The following FOXK2 variants were observed in gnomAD, a reference collection of about 807,000 sequenced individuals.
FOXK2 encodes the protein forkhead box K2, also known as forkhead box protein K2.
A neutral mutation model predicts 53.3 loss-of-function variants in FOXK2; 24 were observed. That is an observed-to-expected ratio of 0.45 (90% CI 0.33 to 0.63). The LOEUF (loss-of-function observed/expected upper bound fraction) is 0.63. Ranked by LOEUF, FOXK2 falls within the 30% of genes least tolerant of loss-of-function variation. FOXK2 has a pLI of 0.03. For missense variants in FOXK2, 952 were observed against 910.5 expected, an observed-to-expected ratio of 1.05 and a Z score of -0.59; for synonymous variants, 505 against 407.1, an observed-to-expected ratio of 1.24 and a Z score of -2.89.
chr17:82,568,295 A>G (rs1335722966), intron 3 of FOXK2, 94 bp downstream of exon 3: 13 of 1,462,066 alleles, frequency 8.9e-6, no homozygotes, highest in Non-Finnish European at 1.2e-5. Context: ...CTGCCTGTCC[A>G]GTGACAGCCC....
At chr17:82,554,904 C>G (rs915780494) in intron 1 of FOXK2, among the ~76,000 whole-genome samples, 2 of 152,106 alleles carry the variant, frequency 1.3e-5, no homozygotes, top group Non-Finnish European at 2.9e-5. Context: ...GGCCACCATG[C>G]CCGACTAATT....
At chr17:82,569,951 G>A (rs879716411) in intron 3 of FOXK2, among the ~76,000 whole-genome samples, 3 of 150,700 alleles carry the variant, frequency 2.0e-5, no homozygotes, top group Non-Finnish European at 4.4e-5. Context: ...GCTGGGCGCA[G>A]TGGCTCACGC....
chr17:82,565,368 A>T (rs1358428857), intron 2 of FOXK2, among the ~76,000 whole-genome samples: 1 of 152,220 alleles, frequency 6.6e-6, no homozygotes, highest in East Asian at 1.9e-4. Flanking sequence ...CAACATCAGT[A>T]GTGAAAAGGT....
intron 1 of FOXK2, among the ~76,000 whole-genome samples, chr17:82,524,091 G>T (rs1375977884): frequency 1.3e-5 from 2 of 151,960 alleles, no homozygotes; most frequent in South Asian, 4.1e-4. Context: ...GTTTCACCAT[G>T]TTGGCCAGGC....
intron 1 of FOXK2, among the ~76,000 whole-genome samples, chr17:82,534,735 C>T (rs920914316): frequency 6.6e-6 from 1 of 152,230 alleles, no homozygotes; most frequent in Non-Finnish European, 1.5e-5. Flanking sequence ...TCTCCTCTTA[C>T]AGATGGTAAC....
intron 1 of FOXK2, among the ~76,000 whole-genome samples, chr17:82,524,363 A>G (rs1042851505): frequency 2.0e-5 from 3 of 152,222 alleles, no homozygotes; most frequent in African/African-American, 7.2e-5. Context: ...ATTAAAAATT[A>G]TCAGAAAATT....
intron 1 of FOXK2, among the ~76,000 whole-genome samples, chr17:82,529,027 C>T (rs1042749677): frequency 1.3e-5 from 2 of 152,144 alleles, no homozygotes; most frequent in Non-Finnish European, 2.9e-5. Flanking sequence ...ACTGAAAAAT[C>T]TTACAACGCA....
intron 1 of FOXK2, among the ~76,000 whole-genome samples, chr17:82,520,631 A>C (rs139566957): frequency 6.6e-6 from 1 of 152,212 alleles, no homozygotes; most frequent in Non-Finnish European, 1.5e-5. Context: ...TGCTGTTTCT[A>C]TTCTGCAGCG....
intron 1 of FOXK2, among the ~76,000 whole-genome samples, chr17:82,554,426 C>T (rs1000028723): frequency 6.6e-6 from 1 of 152,146 alleles, no homozygotes; most frequent in African/African-American, 2.4e-5. Context: ...GTAATAATTT[C>T]CATTCCCACA....
At chr17:82,596,090 G>T in intron 8 of FOXK2, 1 of 1,097,458 alleles carries the variant, frequency 9.1e-7, no homozygotes, top group Non-Finnish European at 1.1e-6. Flanking sequence ...AGACACATTA[G>T]AGTCGGTTGA....
intron 1 of FOXK2, among the ~76,000 whole-genome samples, chr17:82,539,977 AAT>A: frequency 6.6e-6 from 1 of 150,446 alleles, no homozygotes; most frequent in Non-Finnish European, 1.5e-5. Flanking sequence ...AAAAAAAAAA[AAT>A]ATCGATAATT....
intron 1 of FOXK2, among the ~76,000 whole-genome samples, chr17:82,552,424 A>C (rs185433743): frequency 1.1e-3 from 174 of 152,098 alleles, no homozygotes; most frequent in African/African-American, 4.1e-3. Flanking sequence ...ACTGTGTCCT[A>C]ATGGCCGACC....
At position 82,586,029 on chromosome 17, in the gene FOXK2, CA is replaced by C; in HGVS notation, c.1406del (p.Gln469ArgfsTer58). The C allele has an allele frequency of 6.2e-7, 1 of 1,612,826 alleles. No individual in the cohort carries two copies. Among genetic ancestry groups the C allele is most frequent in the Non-Finnish European group, 8.5e-7 (1 of 1,179,996 alleles). Reference sequence around the variant, plus strand: ...CTCGACCTCCCAGCCACCCGTCGTGCAGACGGTTCACGTCGTCCACCAGATC... The same window carrying C: ...CTCGACCTCCCAGCCACCCGTCGTGCGACGGTTCACGTCGTCCACCAGATC... The part of the protein sequence containing the change: ...TTSTSQPPVV[Q>X]TVHVVHQIPA... On this transcript the variant is annotated frameshift_variant, in exon 7 of 9. Coordinates refer to ENST00000335255, the MANE Select transcript of FOXK2 (RefSeq NM_004514.4). LOFTEE classifies it high-confidence loss of function.
At chr17:82,592,897 C>G (rs2045266664) in intron 8 of FOXK2, among the ~76,000 whole-genome samples, 1 of 150,754 alleles carries the variant, frequency 6.6e-6, no homozygotes, top group African/African-American at 2.4e-5. Context: ...CTCCCTGTGC[C>G]GGGCACAGGC....
chr17:82,536,362 A>G (rs2044520812), intron 1 of FOXK2, among the ~76,000 whole-genome samples: 1 of 152,094 alleles, frequency 6.6e-6, no homozygotes, highest in African/African-American at 2.4e-5. Flanking sequence ...TGGACCTGTG[A>G]TGATGAGAAC....
intron 1 of FOXK2, among the ~76,000 whole-genome samples, chr17:82,549,855 C>T (rs917896012): frequency 6.6e-6 from 1 of 152,190 alleles, no homozygotes; most frequent in African/African-American, 2.4e-5. Flanking sequence ...ATAGAGCCAG[C>T]TTCATAACAT....
At chr17:82,525,346 T>G (rs1442882703) in intron 1 of FOXK2, among the ~76,000 whole-genome samples, 2 of 151,694 alleles carry the variant, frequency 1.3e-5, no homozygotes, top group Admixed American at 1.3e-4. Context: ...CTGGCTAACT[T>G]TTTTTGCATT....
At chr17:82,531,061 C>T (rs118013397) in intron 1 of FOXK2, among the ~76,000 whole-genome samples, 58 of 152,258 alleles carry the variant, frequency 3.8e-4, no homozygotes, top group East Asian at 2.3e-3. Flanking sequence ...CAAGCTTCCC[C>T]CTGGACTTGT....
chr17:82,552,593 C>T (rs1022290682), intron 1 of FOXK2, among the ~76,000 whole-genome samples: 3 of 152,238 alleles, frequency 2.0e-5, no homozygotes, highest in East Asian at 1.9e-4. Context: ...TTAGTGATTT[C>T]GTCGAACGTC....
Sources: gnomAD v4.1 joint callset for allele counts (sites outside exome capture counted in the v4.1 genomes callset) on GRCh38, gnomAD v4.1.1 for gene constraint, MANE v1.5 for transcripts, NCBI Gene and HGNC (gene_info 2026-07-23, HGNC 2026-07-21) for gene names.